TMEM65: variants seen among roughly 807,000 people sequenced by gnomAD.
The protein encoded by TMEM65 is transmembrane protein 65.
TMEM65 carries 22 observed loss-of-function variants against 25.4 expected under a neutral mutation model. The observed-to-expected ratio is 0.86, with a 90% confidence interval of 0.62 to 1.23. The LOEUF (loss-of-function observed/expected upper bound fraction) is 1.23. Among genes scored for constraint, TMEM65 ranks in the 50% most tolerant of loss-of-function variants. The pLI, the probability that TMEM65 is intolerant of heterozygous loss-of-function variation, is 0.00. For synonymous variants in TMEM65, 132 were observed against 126.2 expected, an observed-to-expected ratio of 1.05 and a Z score of -0.31; for missense variants, 262 against 308.2, an observed-to-expected ratio of 0.85 and a Z score of 1.12.
intron 1 of TMEM65, among the ~76,000 whole-genome samples, chr8:124,339,222 A>AAATATATATATATATATATAT (rs1563594368): frequency 5.0e-5 from 1 of 19,906 alleles, no homozygotes; most frequent in Non-Finnish European, 7.9e-5. Context: ...AAAAAAAAAA[A>AAATATATATATATATATATAT]ATATATATAT....
rs60718572 is a variant in TMEM65 at position 124,308,583 on chromosome 8, T to TTAAATAAATAAA, written c.*5365_*5376dup. The stretch of plus-strand genomic sequence containing the variant: ...TGAAAGAGGTTGTAGATATGTCAAA[T>TTAAATAAATAAA]TAAATAAATAAATAAATGGTGGAGG... On this transcript the variant is annotated 3_prime_UTR_variant, in exon 7 of 7. Coordinates refer to ENST00000297632, the MANE Select transcript of TMEM65 (RefSeq NM_194291.3). 3.9e-5 allele frequency: 6 copies of TTAAATAAATAAA among 151,902 alleles called. No homozygotes were observed. Among genetic ancestry groups the TTAAATAAATAAA allele is most frequent in the South Asian group, 4.1e-4 (2 of 4,820 alleles). The allele number at this position is 151,902 out of a possible 1,614,324, so 9.4% of individuals were successfully genotyped here. A position where few individuals can be genotyped will look rare whatever the true frequency, so the allele number is the denominator to read the frequency against.
rs1052845493 is a variant in TMEM65 at position 124,309,451 on chromosome 8, C to G, written c.*4509G>C. 9 of 152,310 alleles carry G rather than the reference C, an allele frequency of 5.9e-5. No individual in the cohort carries two copies. In the East Asian group the frequency reaches 1.7e-3, roughly 29 times the overall value. 9.4% of individuals were successfully genotyped at this position (152,310 alleles called of 1,614,324 possible). On this transcript the variant is annotated 3_prime_UTR_variant, in exon 7 of 7. Coordinates refer to ENST00000297632, the MANE Select transcript of TMEM65 (RefSeq NM_194291.3). Reference sequence around the variant, plus strand: ...AAACATGCAAGAAGTAAGTATTAATCTTAATATTTAACTGTTACTCTTTAG... The same window carrying G: ...AAACATGCAAGAAGTAAGTATTAATGTTAATATTTAACTGTTACTCTTTAG...
At chr8:124,327,210 G>C in intron 3 of TMEM65, 144 bp downstream of exon 3, 1 of 600,840 alleles carries the variant, frequency 1.7e-6, no homozygotes, top group African/African-American at 2.0e-5. Flanking sequence ...AATTAAAATT[G>C]AGCTATAGTC....
intron 1 of TMEM65, among the ~76,000 whole-genome samples, chr8:124,337,023 A>C (rs1814517062): frequency 6.6e-6 from 1 of 151,922 alleles, no homozygotes; most frequent in Non-Finnish European, 1.5e-5. Flanking sequence ...CATAGGTGAA[A>C]TGGACAAATT....
chr8:124,315,612 C>T (rs1814226521), intron 6 of TMEM65, among the ~76,000 whole-genome samples: 1 of 152,032 alleles, frequency 6.6e-6, no homozygotes, highest in Non-Finnish European at 1.5e-5. Flanking sequence ...TGAGCCACCC[C>T]GCCCAGCCCA....
chr8:124,359,461 T>C (rs1248423113), intron 1 of TMEM65, among the ~76,000 whole-genome samples: 3 of 152,156 alleles, frequency 2.0e-5, no homozygotes, highest in African/African-American at 7.2e-5. Flanking sequence ...CTGCCTCTTT[T>C]TAAAGACTGT....
chr8:124,352,669 T>C (rs1814726801), intron 1 of TMEM65, among the ~76,000 whole-genome samples: 1 of 152,112 alleles, frequency 6.6e-6, no homozygotes, highest in Non-Finnish European at 1.5e-5. Context: ...GGGATTTCTC[T>C]TCCCTCTCCC....
chr8:124,366,609 A>T (rs1052358917), intron 1 of TMEM65, among the ~76,000 whole-genome samples: 1 of 152,012 alleles, frequency 6.6e-6, no homozygotes, highest in African/African-American at 2.4e-5. Context: ...CAAAATCATG[A>T]GCTATGATAG....
Position 124,372,274 on chromosome 8 carries a change from G to A in TMEM65, c.-117C>T. 1.0e-6 allele frequency: 1 copy of A among 995,652 alleles called. No homozygotes were observed. The highest frequency in any genetic ancestry group is 1.2e-6 in the Non-Finnish European group (1 of 807,034). 61.7% of individuals were successfully genotyped at this position (995,652 alleles called of 1,614,324 possible). On this transcript the variant is annotated 5_prime_UTR_variant, in exon 1 of 7. Transcript: ENST00000297632. ...CGCCCCGAGGTCCTCCTGCCAGGCA[G>A]CCGAGGCGCCGGGCACCATGCACTC...
At position 124,334,276 on chromosome 8, in the gene TMEM65, C is replaced by T. The variant is rs1485557938; in HGVS notation, c.305-3484G>A. ...CCCATTTTCAGAAGACAATACAGAC[C>T]AATCCCAAAGTCACTCAAATGTTAG... On this transcript the variant is annotated intron_variant, in intron 1 of 6. Coordinates refer to ENST00000297632, the MANE Select transcript of TMEM65 (RefSeq NM_194291.3). Among the ~76,000 whole-genome samples, 10 of 152,170 alleles carry T rather than the reference C, an allele frequency of 6.6e-5. No individual in the cohort carries two copies. In the East Asian group the frequency reaches 1.5e-3, roughly 24 times the overall value.
intron 1 of TMEM65, among the ~76,000 whole-genome samples, chr8:124,366,586 T>C (rs964367696): frequency 6.6e-6 from 1 of 152,158 alleles, no homozygotes; most frequent in African/African-American, 2.4e-5. Flanking sequence ...CAACTGCCTA[T>C]ATTCTTGATC....
At chr8:124,318,369 G>GTTTTTTTTTTT (rs35876350) in intron 6 of TMEM65, among the ~76,000 whole-genome samples, 1 of 64,944 alleles carries the variant, frequency 1.5e-5, no homozygotes, top group Non-Finnish European at 2.7e-5. Flanking sequence ...GCATGTTTTT[G>GTTTTTTTTTTT]TTTTTTTTTT....
intron 1 of TMEM65, among the ~76,000 whole-genome samples, chr8:124,351,466 T>G (rs1289609318): frequency 6.6e-6 from 1 of 152,180 alleles, no homozygotes; most frequent in Admixed American, 6.5e-5. Context: ...GCTGATAAAG[T>G]GTGTTGTTTC....
At chr8:124,364,092 T>C (rs955364849) in intron 1 of TMEM65, among the ~76,000 whole-genome samples, 8 of 152,070 alleles carry the variant, frequency 5.3e-5, no homozygotes, top group Non-Finnish European at 1.0e-4. Flanking sequence ...ATGTGATAGA[T>C]GCAACTAGTT....
In TMEM65 at chr8:124,372,176, G is replaced by C. The variant is rs1332407642; in HGVS notation, c.-19C>G. 7.7e-7 allele frequency: 1 copy of C among 1,303,384 alleles called. No homozygotes were observed. Among genetic ancestry groups the C allele is most frequent in the African/African-American group, 1.6e-5 (1 of 62,406 alleles). The allele number at this position is 1,303,384 out of a possible 1,614,324, so 80.7% of individuals were successfully genotyped here. On this transcript the variant is annotated 5_prime_UTR_variant, in exon 1 of 7. Coordinates refer to ENST00000297632, the MANE Select transcript of TMEM65 (RefSeq NM_194291.3). ...GGGACATGGCGAGCTGAGGAGCTGG[G>C]ACCCCCGCGGCCGTCCGGCAAGGCG...
At chr8:124,333,319 C>A (rs1201542502) in intron 1 of TMEM65, among the ~76,000 whole-genome samples, 1 of 151,848 alleles carries the variant, frequency 6.6e-6, no homozygotes, top group African/African-American at 2.4e-5. Flanking sequence ...AGGTTTATTT[C>A]CATATATATA....
chr8:124,313,629 C>T lies in TMEM65; in HGVS notation c.*331G>A. 1 of 182,456 alleles carries T rather than the reference C, an allele frequency of 5.5e-6. No individual in the cohort carries two copies. 11.3% of individuals were successfully genotyped at this position (182,456 alleles called of 1,614,324 possible). On this transcript the variant is annotated 3_prime_UTR_variant, in exon 7 of 7. Transcript: ENST00000297632. Reference sequence around the variant, plus strand: ...CGAAAAATGCTTTCATGCATGTACACATGTTAAGTAACAAATAAGCAAACC... The same window carrying T: ...CGAAAAATGCTTTCATGCATGTACATATGTTAAGTAACAAATAAGCAAACC...
intron 1 of TMEM65, among the ~76,000 whole-genome samples, chr8:124,355,666 G>C (rs778476217): frequency 4.6e-5 from 7 of 152,162 alleles, no homozygotes; most frequent in Non-Finnish European, 1.0e-4. Context: ...CCTTTATAAT[G>C]AAACACAGTC....
Position 124,371,846 on chromosome 8 carries a change from C to G in TMEM65, c.304+8G>C. The G allele has an allele frequency of 1.3e-6, 2 of 1,520,900 alleles. No homozygotes were observed. Among genetic ancestry groups the G allele is most frequent in the African/African-American group, 1.4e-5 (1 of 69,870 alleles). The allele number at this position is 1,520,900 out of a possible 1,614,324, so 94.2% of individuals were successfully genotyped here. ...CCCCCGGGCTCGCCCCCCACCTGCC[C>G]CCCTTACCTTGGGCAATGGCAATAG... On this transcript the variant is annotated splice_region_variant and intron_variant, in intron 1 of 6. Coordinates refer to ENST00000297632, the MANE Select transcript of TMEM65 (RefSeq NM_194291.3).
Sources: allele counts gnomAD v4.1 joint callset (sites outside exome capture counted in the v4.1 genomes callset), GRCh38; gene constraint gnomAD v4.1.1; transcripts MANE v1.5; gene names NCBI Gene and HGNC (gene_info 2026-07-23, HGNC 2026-07-21).